Variants in NFIA observed in about 807,000 individuals in gnomAD.
NFIA encodes the protein nuclear factor 1 A-type.
A neutral mutation model predicts 62.8 loss-of-function variants in NFIA; 8 were observed. The observed-to-expected ratio is 0.13, with a 90% CI of 0.07 to 0.23. NFIA has a LOEUF of 0.23. Among genes scored for constraint, NFIA ranks in the 10% least tolerant of loss-of-function variants. The probability of loss-of-function intolerance (pLI) is 1.00; values close to 1 mark genes in which losing one functional copy is unlikely to be tolerated. For synonymous variants in NFIA, 235 were observed against 238.1 expected (o/e 0.99, Z 0.12); for missense variants, 410 against 642.1 (o/e 0.64, Z 3.91).
chr1:61,286,752 A>G (rs1188413542), intron 3 of NFIA, among the ~76,000 whole-genome samples: 1 of 152,220 alleles, frequency 6.6e-6, no homozygotes, highest in Non-Finnish European at 1.5e-5. Context: ...AAAAGAAAAT[A>G]AGGCAATATA....
intron 6 of NFIA, among the ~76,000 whole-genome samples, chr1:61,361,812 TGTGTG>T (rs1350746229): frequency 2.0e-5 from 3 of 151,568 alleles, no homozygotes; most frequent in Non-Finnish European, 4.4e-5. Flanking sequence ...TGTGTGTGTG[TGTGTG>T]TGTGTGTGTA....
chr1:61,091,124 C>T (rs916509101), intron 2 of NFIA, among the ~76,000 whole-genome samples: 4 of 152,218 alleles, frequency 2.6e-5, no homozygotes, highest in African/African-American at 4.8e-5. Flanking sequence ...GCCTTTTCAC[C>T]TATAATGCGT....
chr1:61,222,924 T>C (rs536384117), intron 2 of NFIA, among the ~76,000 whole-genome samples: 65 of 152,180 alleles, frequency 4.3e-4, no homozygotes, highest in African/African-American at 1.4e-3. Context: ...ATACAAATGT[T>C]TTTTCTTGAG....
chr1:61,277,021 G>A (rs332828), intron 2 of NFIA, among the ~76,000 whole-genome samples: 55,718 of 151,964 alleles, frequency 0.37, 12,186 homozygotes, highest in Admixed American at 0.49. Context: ...GTATTTAATG[G>A]TGTTAGTCTG....
intron 3 of NFIA, among the ~76,000 whole-genome samples, chr1:61,295,396 G>A (rs1437229752): frequency 2.6e-5 from 4 of 152,190 alleles, no homozygotes; most frequent in African/African-American, 9.7e-5. Context: ...TTTCCTAGCA[G>A]ACATAAAAGA....
chr1:61,112,639 A>G (rs566405309), intron 2 of NFIA, among the ~76,000 whole-genome samples: 1 of 152,338 alleles, frequency 6.6e-6, no homozygotes, highest in East Asian at 1.9e-4. Flanking sequence ...ATCTGTAATC[A>G]GAAACTTACT....
intron 9 of NFIA, among the ~76,000 whole-genome samples, chr1:61,421,357 A>G (rs1372055413): frequency 6.6e-6 from 1 of 152,210 alleles, no homozygotes; most frequent in Non-Finnish European, 1.5e-5. Context: ...AGAGAGAGAA[A>G]AAAAATGAAT....
At chr1:61,077,613 TTTTTACA>T, upstream of NFIA, 1 of 1,419,174 alleles carries the variant, frequency 7.0e-7, no homozygotes, top group Non-Finnish European at 9.4e-7. Flanking sequence ...TCACGTACTC[TTTTTACA>T]TTGCAATGGT....
At position 61,460,245 on chromosome 1, in the gene NFIA, T is replaced by C. The variant is rs898815985; in HGVS notation, c.*4925T>C. 43 of 152,334 alleles carry C rather than the reference T, an allele frequency of 2.8e-4. No individual in the cohort carries two copies. The highest frequency in any genetic ancestry group is 9.6e-4 in the African/African-American group (40 of 41,582). The allele number at this position is 152,334 out of a possible 1,614,324, so 9.4% of individuals were successfully genotyped here. ...GTCCAAGGCTGTGCATTCGTCTAAT[T>C]AGCGTCGTGTATGTTTTCCTTTTAT... On this transcript the variant is annotated 3_prime_UTR_variant, in exon 11 of 11. Transcript: ENST00000403491.
intron 2 of NFIA, among the ~76,000 whole-genome samples, chr1:61,175,353 G>A (rs1650267600): frequency 6.6e-6 from 1 of 152,046 alleles, no homozygotes; most frequent in Non-Finnish European, 1.5e-5. Flanking sequence ...TGTTGGCCAG[G>A]CTGAGCTCAA....
chr1:61,357,974 G>A (rs754308479), intron 5 of NFIA, among the ~76,000 whole-genome samples: 5 of 152,068 alleles, frequency 3.3e-5, no homozygotes, highest in African/African-American at 9.7e-5. Context: ...ATTTCACTAC[G>A]TTTTCACTCC....
chr1:61,449,684 G>A (rs111630912), intron 10 of NFIA, among the ~76,000 whole-genome samples: 4 of 140,502 alleles, frequency 2.8e-5, no homozygotes, highest in African/African-American at 8.7e-5. Context: ...CAAAGGTGCC[G>A]GGGCCAATCC....
rs1227490384 is a variant in NFIA at position 61,455,426 on chromosome 1, G to C, written c.*106G>C. The C allele has an allele frequency of 6.3e-7, 1 of 1,575,970 alleles. No homozygotes were observed. The highest frequency in any genetic ancestry group is 2.2e-5 in the East Asian group (1 of 44,510). ...GCGCAGTTACAACTTCACTATCAGC[G>C]GAAGGGGAGAAAAACCGATTCAAAT... On this transcript the variant is annotated 3_prime_UTR_variant, in exon 11 of 11. Transcript: ENST00000403491.
intron 2 of NFIA, among the ~76,000 whole-genome samples, chr1:61,116,795 A>G (rs1262616292): frequency 6.6e-6 from 1 of 152,174 alleles, no homozygotes; most frequent in African/African-American, 2.4e-5. Context: ...TAAGCCATGG[A>G]GTATTCTAAA....
intron 7 of NFIA, chr1:61,385,845 T>C (rs1297536535): frequency 1.3e-5 from 2 of 152,172 alleles, no homozygotes; most frequent in Admixed American, 1.3e-4. Flanking sequence ...AATTATGGAA[T>C]ACCAAAGATT....
intron 3 of NFIA, among the ~76,000 whole-genome samples, chr1:61,316,242 A>C (rs1169552558): frequency 1.3e-5 from 2 of 152,220 alleles, no homozygotes; most frequent in African/African-American, 2.4e-5. Context: ...GGTGAGGAGT[A>C]GAGGGTATGG....
At chr1:61,405,180 T>A (rs1230576561) in intron 8 of NFIA, among the ~76,000 whole-genome samples, 2 of 152,224 alleles carry the variant, frequency 1.3e-5, no homozygotes, top group African/African-American at 4.8e-5. Flanking sequence ...ATTCTGCATA[T>A]CTGCGCCAGA....
At chr1:61,388,652 G>A (rs1484874259) in intron 7 of NFIA, among the ~76,000 whole-genome samples, 3 of 152,186 alleles carry the variant, frequency 2.0e-5, no homozygotes, top group Admixed American at 1.3e-4. Context: ...CAGCCTACAC[G>A]ATCCACATTG....
intron 9 of NFIA, among the ~76,000 whole-genome samples, chr1:61,417,302 A>AGAT (rs1408035888): frequency 1.4e-5 from 2 of 146,566 alleles, no homozygotes; most frequent in Non-Finnish European, 3.0e-5. Flanking sequence ...TACACATATA[A>AGAT]GATGATTGTG....
Sources: gnomAD v4.1 joint callset for allele counts (sites outside exome capture counted in the v4.1 genomes callset) on GRCh38, gnomAD v4.1.1 for gene constraint, MANE v1.5 for transcripts, NCBI Gene and HGNC (gene_info 2026-07-23, HGNC 2026-07-21) for gene names.